The following MPPED2 variants were observed in gnomAD, a reference collection of about 807,000 sequenced individuals.
MPPED2 encodes the protein metallophosphoesterase MPPED2.
MPPED2 carries 5 observed loss-of-function variants against 33.0 expected under a neutral mutation model. That is an observed-to-expected ratio of 0.15 (90% CI 0.08 to 0.32). The LOEUF (loss-of-function observed/expected upper bound fraction) is 0.32. Ranked by LOEUF, MPPED2 falls within the 10% of genes least tolerant of loss-of-function variation. The pLI is 1.00. For synonymous variants in MPPED2, 136 were observed against 141.9 expected (o/e 0.96, Z 0.29); for missense variants, 275 against 372.1 (o/e 0.74, Z 2.15).
chr11:30,520,637 G>C (rs1393703874), intron 3 of MPPED2, among the ~76,000 whole-genome samples: 1 of 152,052 alleles, frequency 6.6e-6, no homozygotes, highest in East Asian at 1.9e-4. Flanking sequence ...GAAATGAAGG[G>C]AGTATTTACA....
At chr11:30,499,909 T>A (rs1012703793) in intron 3 of MPPED2, among the ~76,000 whole-genome samples, 5 of 152,158 alleles carry the variant, frequency 3.3e-5, no homozygotes, top group African/African-American at 1.2e-4. Context: ...TCAGGAAATA[T>A]CACCCAAAAG....
intron 2 of MPPED2, among the ~76,000 whole-genome samples, chr11:30,564,548 A>T (rs1267724305): frequency 1.3e-5 from 2 of 152,182 alleles, no homozygotes; most frequent in African/African-American, 4.8e-5. Flanking sequence ...ACTCACTCAA[A>T]GTTGCACAGA....
intron 2 of MPPED2, among the ~76,000 whole-genome samples, chr11:30,564,844 A>G (rs1956375601): frequency 6.6e-6 from 1 of 152,158 alleles, no homozygotes; most frequent in Non-Finnish European, 1.5e-5. Context: ...TGTGCATGGA[A>G]TGCATTCATG....
chr11:30,407,913 T>G (rs1210629115), downstream of MPPED2, among the ~76,000 whole-genome samples: 1 of 151,240 alleles, frequency 6.6e-6, no homozygotes, highest in Non-Finnish European at 1.5e-5. Context: ...GTAAATAAAA[T>G]TAAATATATT....
intron 2 of MPPED2, among the ~76,000 whole-genome samples, chr11:30,546,242 A>G (rs1955419654): frequency 6.6e-6 from 1 of 152,220 alleles, no homozygotes; most frequent in Non-Finnish European, 1.5e-5. Context: ...AACATCATGA[A>G]CAAAATGTGG....
At chr11:30,462,527 A>G (rs908615267) in intron 4 of MPPED2, among the ~76,000 whole-genome samples, 1 of 152,234 alleles carries the variant, frequency 6.6e-6, no homozygotes, top group African/African-American at 2.4e-5. Context: ...GAAAGGGACA[A>G]TTAGTCTTTT....
intron 3 of MPPED2, among the ~76,000 whole-genome samples, chr11:30,521,066 C>T (rs1259762772): frequency 6.6e-6 from 1 of 152,056 alleles, no homozygotes; most frequent in Non-Finnish European, 1.5e-5. Context: ...GGTGGTAGTG[C>T]TAGTAATAGT....
intron 2 of MPPED2, among the ~76,000 whole-genome samples, chr11:30,561,182 T>A (rs1345919955): frequency 6.6e-6 from 1 of 152,180 alleles, no homozygotes; most frequent in Admixed American, 6.5e-5. Flanking sequence ...TGCATAGATA[T>A]ATAATTTCTA....
At chr11:30,535,438 C>A (rs1373945143) in intron 3 of MPPED2, among the ~76,000 whole-genome samples, 2 of 152,140 alleles carry the variant, frequency 1.3e-5, no homozygotes, top group African/African-American at 4.8e-5. Context: ...CACAGGGCAA[C>A]TTCACATCCC....
At chr11:30,488,455 T>G (rs1028077914) in intron 4 of MPPED2, among the ~76,000 whole-genome samples, 2 of 152,152 alleles carry the variant, frequency 1.3e-5, no homozygotes, top group Admixed American at 6.5e-5. Context: ...ACACATCAGA[T>G]AAAGGCACCC....
chr11:30,494,375 A>C (rs2134200590), intron 4 of MPPED2, among the ~76,000 whole-genome samples: 1 of 152,252 alleles, frequency 6.6e-6, no homozygotes, highest in Non-Finnish European at 1.5e-5. Flanking sequence ...AGTAACATAA[A>C]CATATACAGC....
At chr11:30,388,173 A>G (rs1264115839) in exon 7 of MPPED2, 3 of 152,392 alleles carry the variant, frequency 2.0e-5, no homozygotes, top group Non-Finnish European at 4.4e-5. Context: ...AGAATCACAC[A>G]ATCATCCTGA....
chr11:30,562,242 G>A (rs1260062660), intron 2 of MPPED2, among the ~76,000 whole-genome samples: 1 of 152,150 alleles, frequency 6.6e-6, no homozygotes, highest in Non-Finnish European at 1.5e-5. Flanking sequence ...AGTGTGCACA[G>A]GCTCTGAATA....
At chr11:30,564,002 G>A (rs989404058) in intron 2 of MPPED2, among the ~76,000 whole-genome samples, 1 of 152,200 alleles carries the variant, frequency 6.6e-6, no homozygotes, top group African/African-American at 2.4e-5. Flanking sequence ...TCTGGGAACA[G>A]GCCTTGAGAA....
chr11:30,581,713 C>A (rs1416192410), intron 1 of MPPED2, among the ~76,000 whole-genome samples: 1 of 152,168 alleles, frequency 6.6e-6, no homozygotes, highest in Non-Finnish European at 1.5e-5. Flanking sequence ...ATTTTACAAC[C>A]CGGGGCTTGA....
At chr11:30,427,429 A>T in intron 4 of MPPED2, among the ~76,000 whole-genome samples, 1 of 152,234 alleles carries the variant, frequency 6.6e-6, no homozygotes, top group East Asian at 1.9e-4. Flanking sequence ...GGAGCATTTT[A>T]CTAGCAAGAA....
intron 2 of MPPED2, among the ~76,000 whole-genome samples, chr11:30,571,584 T>G (rs902393923): frequency 6.6e-6 from 1 of 152,184 alleles, no homozygotes; most frequent in African/African-American, 2.4e-5. Context: ...CATGCTAGGA[T>G]AGCTACTTAA....
intron 3 of MPPED2, among the ~76,000 whole-genome samples, chr11:30,500,464 A>T (rs534748554): frequency 3.3e-5 from 5 of 152,328 alleles, no homozygotes; most frequent in African/African-American, 1.2e-4. Context: ...AAACTATTAC[A>T]ATTTAAACTG....
chr11:30,514,824 T>G (rs1167914890), intron 3 of MPPED2, among the ~76,000 whole-genome samples: 1 of 152,184 alleles, frequency 6.6e-6, no homozygotes, highest in African/African-American at 2.4e-5. Flanking sequence ...ACTTTAGGTC[T>G]GGCGCAATGA....
Sources: allele counts gnomAD v4.1 joint callset (sites outside exome capture counted in the v4.1 genomes callset), GRCh38; gene constraint gnomAD v4.1.1; transcripts MANE v1.5; gene names NCBI Gene and HGNC (gene_info 2026-07-23, HGNC 2026-07-21).